Variants in BTBD9 observed in about 807,000 individuals in gnomAD.
The protein encoded by BTBD9 is BTB domain containing 9, also known as BTB/POZ domain-containing protein 9.
Under a neutral mutation model 64.3 loss-of-function variants are expected in BTBD9, and 49 were observed. That is an observed-to-expected ratio of 0.76 (90% CI 0.61 to 0.97). The LOEUF (loss-of-function observed/expected upper bound fraction) is 0.97. Ranked by LOEUF, BTBD9 falls within the 50% of genes least tolerant of loss-of-function variation. The probability of loss-of-function intolerance (pLI) is 0.00; values close to 1 mark genes in which losing one functional copy is unlikely to be tolerated. For missense variants in BTBD9, 598 were observed against 762.1 expected (o/e 0.78, Z 2.53); for synonymous variants, 260 against 274.7 (o/e 0.95, Z 0.53).
In BTBD9 at chr6:38,418,419, C is replaced by A. The variant is rs552113032; in HGVS notation, c.1155-73326G>T. On this transcript the variant is annotated intron_variant, in intron 6 of 10. Transcript: ENST00000481247. The stretch of plus-strand genomic sequence containing the variant: ...TACCACTTCCACTCTGCTCCTCCCC[C>A]ACCAAAGAGAAAAAAAGGATGCAGA... 2.6e-3 allele frequency among the ~76,000 whole-genome samples: 400 copies of A among 152,246 alleles called. 4 individuals carry two copies. Among genetic ancestry groups the A allele is most frequent in the African/African-American group, 8.5e-3 (354 of 41,542 alleles).
intron 6 of BTBD9, among the ~76,000 whole-genome samples, chr6:38,555,049 C>G (rs571335113): frequency 6.6e-6 from 1 of 152,330 alleles, no homozygotes; most frequent in South Asian, 2.1e-4. Flanking sequence ...CCAGTACCCC[C>G]AAACTGGAAA....
At chr6:38,485,662 T>A (rs1771362069) in intron 6 of BTBD9, among the ~76,000 whole-genome samples, 1 of 152,192 alleles carries the variant, frequency 6.6e-6, no homozygotes, top group African/African-American at 2.4e-5. Context: ...TGTAAACAGA[T>A]GTGCAGTCAT....
At chr6:38,526,203 C>T (rs1276441035) in intron 6 of BTBD9, among the ~76,000 whole-genome samples, 1 of 152,220 alleles carries the variant, frequency 6.6e-6, no homozygotes, top group East Asian at 1.9e-4. Flanking sequence ...TGCTCCAGCT[C>T]CAGCCACAGC....
chr6:38,222,820 G>A (rs1349415438), intron 9 of BTBD9, among the ~76,000 whole-genome samples: 2 of 152,182 alleles, frequency 1.3e-5, no homozygotes, highest in Non-Finnish European at 2.9e-5. Context: ...TTATACACAC[G>A]AAAGGAGGTT....
intron 9 of BTBD9, among the ~76,000 whole-genome samples, chr6:38,223,241 T>C (rs941259343): frequency 1.3e-5 from 2 of 152,116 alleles, no homozygotes; most frequent in African/African-American, 4.8e-5. Context: ...GACAAACAAG[T>C]GAACAGCATC....
At chr6:38,572,762 C>A in intron 6 of BTBD9, among the ~76,000 whole-genome samples, 2 of 142,490 alleles carry the variant, frequency 1.4e-5, no homozygotes, top group African/African-American at 2.6e-5. Flanking sequence ...AGATATAAGG[C>A]TTAAAAAAAA....
At chr6:38,208,896 CGT>C (rs997680651) in intron 9 of BTBD9, among the ~76,000 whole-genome samples, 23 of 152,260 alleles carry the variant, frequency 1.5e-4, no homozygotes, top group Admixed American at 3.9e-4. Context: ...AGCAAAAAAC[CGT>C]GTTAGGAGCT....
intron 6 of BTBD9, among the ~76,000 whole-genome samples, chr6:38,558,829 T>C (rs1327841042): frequency 6.6e-6 from 1 of 152,192 alleles, no homozygotes; most frequent in Non-Finnish European, 1.5e-5. Flanking sequence ...TCACCAAGGA[T>C]ATTGGCCTGT....
intron 7 of BTBD9, among the ~76,000 whole-genome samples, chr6:38,341,733 T>A (rs1764108515): frequency 6.6e-6 from 1 of 152,188 alleles, no homozygotes; most frequent in South Asian, 2.1e-4. Context: ...TAGGGTTTCT[T>A]ACAAATGCCT....
At chr6:38,478,267 C>A (rs1268047470) in intron 6 of BTBD9, among the ~76,000 whole-genome samples, 1 of 152,164 alleles carries the variant, frequency 6.6e-6, no homozygotes, top group Admixed American at 6.5e-5. Flanking sequence ...ACTGGGCTCT[C>A]ATGAGCTTTG....
intron 6 of BTBD9, among the ~76,000 whole-genome samples, chr6:38,355,045 T>C (rs1764664743): frequency 6.6e-6 from 1 of 152,192 alleles, no homozygotes; most frequent in Admixed American, 6.5e-5. Context: ...AATTTCACTG[T>C]GGAAGCCTAT....
At chr6:38,493,790 C>T (rs1771806138) in intron 6 of BTBD9, among the ~76,000 whole-genome samples, 2 of 152,194 alleles carry the variant, frequency 1.3e-5, no homozygotes, top group Non-Finnish European at 1.5e-5. Flanking sequence ...GAAAACTCTA[C>T]AGTCTCATCA....
At chr6:38,313,086 A>T (rs1204926243) in intron 7 of BTBD9, among the ~76,000 whole-genome samples, 2 of 152,060 alleles carry the variant, frequency 1.3e-5, no homozygotes, top group African/African-American at 4.8e-5. Flanking sequence ...TCTTTCACCA[A>T]TGTTTTATAG....
rs563605812 is a variant in BTBD9, at chr6:38,255,854, G to A, written c.1562+555C>T. ...TAAAAAATGTTCTCACTCATAGGTGGGAATTGAACAATGAGAACACTTGGA... is the reference window on the plus strand; with the variant it reads ...TAAAAAATGTTCTCACTCATAGGTGAGAATTGAACAATGAGAACACTTGGA... On this transcript the variant is annotated intron_variant, in intron 9 of 10. Coordinates refer to ENST00000481247, the MANE Select transcript of BTBD9 (RefSeq NM_001099272.2). 7.9e-5 allele frequency among the ~76,000 whole-genome samples: 12 copies of A among 152,238 alleles called. 1 individual carries two copies. In the South Asian group the frequency reaches 2.5e-3, roughly 32 times the overall value.
intron 4 of BTBD9, among the ~76,000 whole-genome samples, chr6:38,585,035 G>T (rs986928635): frequency 7.7e-4 from 116 of 151,332 alleles, no homozygotes; most frequent in African/African-American, 2.8e-3. Context: ...AGCTGAAAGG[G>T]ACCGTCATCC....
intron 7 of BTBD9, among the ~76,000 whole-genome samples, chr6:38,320,681 T>A (rs560491304): frequency 6.6e-6 from 1 of 152,198 alleles, no homozygotes; most frequent in Non-Finnish European, 1.5e-5. Flanking sequence ...TGCCTTTTTA[T>A]GAATATTGAC....
chr6:38,435,780 G>A lies in BTBD9; in HGVS notation c.1155-90687C>T, dbSNP rs572773517. ...ACCTTCTGGGTTCAAGCAATTCTCC[G>A]GCCTCAGCCTCCCGAGTAGCTGGGA... On this transcript the variant is annotated intron_variant, in intron 6 of 10. Transcript: ENST00000481247. 8.6e-5 allele frequency among the ~76,000 whole-genome samples: 13 copies of A among 150,756 alleles called. 1 individual carries two copies. The highest frequency in any genetic ancestry group is 3.9e-4 in the East Asian group (2 of 5,128).
chr6:38,252,174 G>A (rs1764425413), intron 9 of BTBD9, among the ~76,000 whole-genome samples: 1 of 152,134 alleles, frequency 6.6e-6, no homozygotes, highest in Non-Finnish European at 1.5e-5. Flanking sequence ...GGATTTTTCA[G>A]AGGACAGCAA....
At chr6:38,290,903 A>C (rs956655591) in intron 7 of BTBD9, among the ~76,000 whole-genome samples, 6 of 152,260 alleles carry the variant, frequency 3.9e-5, no homozygotes, top group Non-Finnish European at 7.3e-5. Context: ...ACAGACAGGT[A>C]CATCTGGGTC....
Sources: gnomAD v4.1 joint callset for allele counts (sites outside exome capture counted in the v4.1 genomes callset) on GRCh38, gnomAD v4.1.1 for gene constraint, MANE v1.5 for transcripts, NCBI Gene and HGNC (gene_info 2026-07-23, HGNC 2026-07-21) for gene names.